Variants in IL23R observed in about 807,000 individuals in gnomAD.
IL23R encodes the protein interleukin-23 receptor.
In IL23R, 34 loss-of-function variants were observed where a neutral mutation model predicts 56.9. That is an observed-to-expected ratio of 0.60 (90% CI 0.45 to 0.80). The LOEUF (loss-of-function observed/expected upper bound fraction) is 0.80. IL23R is among the 30% of genes least tolerant of loss of function. The probability of loss-of-function intolerance (pLI) is 0.00; values close to 1 mark genes in which losing one functional copy is unlikely to be tolerated. For missense variants in IL23R, 635 were observed against 730.0 expected, an observed-to-expected ratio of 0.87 and a Z score of 1.50; for synonymous variants, 230 against 249.2, an observed-to-expected ratio of 0.92 and a Z score of 0.73.
chr1:67,173,024 A>G (rs1223891982), intron 3 of IL23R, among the ~76,000 whole-genome samples: 3 of 152,160 alleles, frequency 2.0e-5, no homozygotes, highest in African/African-American at 7.2e-5. Flanking sequence ...TAGACTCTGA[A>G]TTAACAAGAA....
chr1:67,194,755 G>T (rs928308952), intron 4 of IL23R, among the ~76,000 whole-genome samples: 2 of 152,170 alleles, frequency 1.3e-5, no homozygotes, highest in Non-Finnish European at 2.9e-5. Flanking sequence ...ATTCAAAGAT[G>T]TCCTACTTAC....
intron 1 of IL23R, among the ~76,000 whole-genome samples, chr1:67,146,828 C>T (rs915693772): frequency 2.0e-5 from 3 of 152,192 alleles, no homozygotes; most frequent in Non-Finnish European, 2.9e-5. Flanking sequence ...CCTATCTTCA[C>T]GATTATCTGC....
At chr1:67,140,445 CATTA>C (rs1028470928) in intron 1 of IL23R, among the ~76,000 whole-genome samples, 1 of 152,184 alleles carries the variant, frequency 6.6e-6, no homozygotes, top group Admixed American at 6.5e-5. Context: ...TACAAATGAT[CATTA>C]ATTATATATT....
At chr1:67,138,655 G>A (rs1189177039), upstream of IL23R, among the ~76,000 whole-genome samples, 1 of 152,136 alleles carries the variant, frequency 6.6e-6, no homozygotes, top group Non-Finnish European at 1.5e-5. Context: ...GTTGAACTGA[G>A]TTCTGATTGT....
intron 1 of IL23R, among the ~76,000 whole-genome samples, chr1:67,152,584 G>T (rs561092091): frequency 6.6e-6 from 1 of 152,212 alleles, no homozygotes; most frequent in South Asian, 2.1e-4. Flanking sequence ...ATTGGCTATG[G>T]GTTGTCATAA....
intron 5 of IL23R, among the ~76,000 whole-genome samples, chr1:67,204,111 T>G (rs1244779435): frequency 6.6e-6 from 1 of 152,206 alleles, no homozygotes; most frequent in African/African-American, 2.4e-5. Context: ...TCGCCCAGGC[T>G]GGAGTGCAGT....
chr1:67,259,219 GA>G lies in IL23R; in HGVS notation c.*98del. ...TAGAAATTGAATTCTGCCTCTTTTT[GA>G]AAAAAATGTATTCACATACAAATCT... On this transcript the variant is annotated 3_prime_UTR_variant, in exon 11 of 11. Transcript: ENST00000347310. The G allele has an allele frequency of 1.6e-6, 2 of 1,239,606 alleles. No individual in the cohort carries two copies. The highest frequency in any genetic ancestry group is 1.3e-5 in the South Asian group (1 of 78,342). 76.8% of individuals were successfully genotyped at this position (1,239,606 alleles called of 1,614,324 possible).
At chr1:67,255,964 T>C (rs779543841) in intron 10 of IL23R, 37 bp downstream of exon 10, 11 of 1,176,966 alleles carry the variant, frequency 9.3e-6, no homozygotes, top group South Asian at 6.1e-5. Context: ...TGAGTGGCAA[T>C]TGAGACCAAG....
intron 6 of IL23R, among the ~76,000 whole-genome samples, chr1:67,211,396 G>A (rs548142784): frequency 5.4e-4 from 82 of 152,268 alleles, no homozygotes; most frequent in Middle Eastern, 3.4e-3. Flanking sequence ...CAAGGCAGGC[G>A]GATCACCTGA....
At chr1:67,208,277 G>A (rs1570851563) in intron 6 of IL23R, among the ~76,000 whole-genome samples, 1 of 152,192 alleles carries the variant, frequency 6.6e-6, no homozygotes, top group Non-Finnish European at 1.5e-5. Context: ...CCATTCTGGG[G>A]GGGAGAAATT....
chr1:67,224,351 A>G (rs1302287395), intron 7 of IL23R, among the ~76,000 whole-genome samples: 3 of 152,254 alleles, frequency 2.0e-5, no homozygotes, highest in Non-Finnish European at 4.4e-5. Context: ...AAACTTTTCC[A>G]GTGCTTAAAG....
rs916444668 is a variant in IL23R, at chr1:67,194,706, A to G, written c.492-6031A>G. 5.3e-5 allele frequency among the ~76,000 whole-genome samples: 8 copies of G among 152,228 alleles called. No homozygotes were observed. In the East Asian group the frequency reaches 1.2e-3, roughly 22 times the overall value. On this transcript the variant is annotated intron_variant, in intron 4 of 10. Transcript: ENST00000347310. ...TGGTAAAAGAATTAGCCACAAACCA[A>G]TGAAGAACATATAATGTGGTTTTCT...
intron 7 of IL23R, among the ~76,000 whole-genome samples, chr1:67,222,073 G>T (rs945170538): frequency 6.8e-6 from 1 of 148,044 alleles, no homozygotes; most frequent in Admixed American, 6.7e-5. Context: ...AACTTATTAG[G>T]GAATCCTTTT....
chr1:67,191,857 C>A (rs900832319), intron 4 of IL23R, among the ~76,000 whole-genome samples: 7 of 152,180 alleles, frequency 4.6e-5, no homozygotes, highest in South Asian at 2.1e-4. Flanking sequence ...GGACAGGACT[C>A]CCTTTTGCTG....
intron 4 of IL23R, among the ~76,000 whole-genome samples, chr1:67,185,717 G>T (rs1647286869): frequency 6.6e-6 from 1 of 152,118 alleles, no homozygotes; most frequent in East Asian, 1.9e-4. Context: ...TGAACACATT[G>T]CCAGGCCTAG....
intron 4 of IL23R, among the ~76,000 whole-genome samples, chr1:67,195,516 A>G (rs1648079421): frequency 6.6e-6 from 1 of 152,208 alleles, no homozygotes; most frequent in Non-Finnish European, 1.5e-5. Flanking sequence ...CTTACAACTT[A>G]TCAAGGGGCA....
intron 9 of IL23R, among the ~76,000 whole-genome samples, chr1:67,254,402 G>A (rs1180346523): frequency 1.0e-5 from 1 of 96,226 alleles, no homozygotes; most frequent in Non-Finnish European, 2.0e-5. Flanking sequence ...ACCAAAAGTG[G>A]GTAAATATAT....
rs549038447 is a variant in IL23R, at chr1:67,219,705, G to A, written c.930G>A (p.Leu310=). 33 of 1,613,578 alleles carry A rather than the reference G, an allele frequency of 2.0e-5. No individual in the cohort carries two copies. Among genetic ancestry groups the A allele is most frequent in the South Asian group, 4.4e-5 (4 of 91,082 alleles). ...GKRYWQPWSS[L]FFHKTPETVP... ...GGTACTGGCAGCCTTGGAGTTCACT[G>A]TTTTTTCATAAAACACCTGAAACAG... The change falls in exon 7 of 11, where the codon CTG becomes CTA. Residue 310 remains leucine (L), a synonymous_variant. Coordinates refer to ENST00000347310, the MANE Select transcript of IL23R (RefSeq NM_144701.3).
intron 6 of IL23R, among the ~76,000 whole-genome samples, chr1:67,208,275 G>A (rs555651648): frequency 1.3e-5 from 2 of 152,170 alleles, no homozygotes; most frequent in South Asian, 2.1e-4. Context: ...ACCCATTCTG[G>A]GGGGGAGAAA....
Sources: gnomAD v4.1 joint callset for allele counts (sites outside exome capture counted in the v4.1 genomes callset) on GRCh38, gnomAD v4.1.1 for gene constraint, MANE v1.5 for transcripts, NCBI Gene and HGNC (gene_info 2026-07-23, HGNC 2026-07-21) for gene names.